The following CERS5 variants were observed in gnomAD, a reference collection of about 807,000 sequenced individuals.
CERS5 encodes LAG1 homolog, ceramide synthase 5.
CERS5 carries 37 observed loss-of-function variants against 58.9 expected under a neutral mutation model. The observed-to-expected ratio is 0.63, with a 90% CI of 0.48 to 0.83. CERS5 has a LOEUF of 0.83. Among genes scored for constraint, CERS5 ranks in the 40% least tolerant of loss-of-function variants. CERS5 has a pLI of 0.00. For missense variants in CERS5, 398 were observed against 489.3 expected (o/e 0.81, Z 1.76); for synonymous variants, 147 against 177.8 (o/e 0.83, Z 1.38).
chr12:50,130,355 G>T lies in CERS5; in HGVS notation c.*190C>A. 1 of 477,792 alleles carries T rather than the reference G, an allele frequency of 2.1e-6. No individual in the cohort carries two copies. Among genetic ancestry groups the T allele is most frequent in the Admixed American group, 3.6e-5 (1 of 28,070 alleles). 29.6% of individuals were successfully genotyped at this position (477,792 alleles called of 1,614,324 possible). Reference sequence around the variant, plus strand: ...AACACACAGAGCAAATAACATTACTGAAAGAACCTGGAGGCTATTAAATAC... The same window carrying T: ...AACACACAGAGCAAATAACATTACTTAAAGAACCTGGAGGCTATTAAATAC... On this transcript the variant is annotated 3_prime_UTR_variant, in exon 10 of 10. Transcript: ENST00000317551.
intron 1 of CERS5, among the ~76,000 whole-genome samples, chr12:50,158,163 G>T (rs969994769): frequency 6.6e-6 from 1 of 150,794 alleles, no homozygotes; most frequent in Non-Finnish European, 1.5e-5. Context: ...TGTACTAGAA[G>T]AATTCTACTG....
Position 50,150,631 on chromosome 12 carries a change from G to A in CERS5, c.198-6574C>T, listed in dbSNP as rs913870961. Among the ~76,000 whole-genome samples the A allele has an allele frequency of 3.9e-5, 6 of 152,076 alleles. No individual in the cohort carries two copies. The East Asian group carries it at 1.2e-3, about 29-fold the overall frequency. On this transcript the variant is annotated intron_variant, in intron 1 of 9. Coordinates refer to ENST00000317551, the MANE Select transcript of CERS5 (RefSeq NM_147190.5). The stretch of plus-strand genomic sequence containing the variant: ...AATATAAACTTAAAAGAGAACTGAG[G>A]TCAGAACGCTGGACAACATCAGCAT...
chr12:50,163,765 C>T (rs1398460418), intron 1 of CERS5, among the ~76,000 whole-genome samples: 5 of 152,140 alleles, frequency 3.3e-5, no homozygotes, highest in African/African-American at 1.2e-4. Flanking sequence ...CCTGCCTCAG[C>T]CTCCCAAGTA....
intron 9 of CERS5, among the ~76,000 whole-genome samples, chr12:50,131,453 G>T (rs1166020063): frequency 1.3e-5 from 2 of 151,662 alleles, no homozygotes; most frequent in African/African-American, 4.9e-5. Context: ...CAGCTACTCA[G>T]GAGGCTGAGG....
At chr12:50,135,257 GGA>G (rs113411336) in intron 8 of CERS5, 22,444 of 121,922 alleles carry the variant, frequency 0.18, 4,564 homozygotes, top group African/African-American at 0.29. Flanking sequence ...GAGGAGGGAG[GGA>G]GAGAGGGGAG....
chr12:50,143,097 C>A lies in CERS5; in HGVS notation c.411G>T (p.Thr137=). 1 of 1,612,106 alleles carries A rather than the reference C, an allele frequency of 6.2e-7. No individual in the cohort carries two copies. Among genetic ancestry groups the A allele is most frequent in the Non-Finnish European group, 8.5e-7 (1 of 1,178,878 alleles). The change falls in exon 3 of 10, where the codon ACG becomes ACT. Residue 137 remains threonine, a synonymous_variant. Coordinates refer to ENST00000317551, the MANE Select transcript of CERS5 (RefSeq NM_147190.5). ...ACATGCTTTCACAGAATTTAGTAAGCGTTGGGGGCTTGTCCTGATTCCTCC... is the reference window on the plus strand; with the variant it reads ...ACATGCTTTCACAGAATTTAGTAAGAGTTGGGGGCTTGTCCTGATTCCTCC... ...RHRRNQDKPP[T]LTKFCESMWR...
chr12:50,145,612 A>T (rs1952223996), intron 1 of CERS5, among the ~76,000 whole-genome samples: 1 of 152,170 alleles, frequency 6.6e-6, no homozygotes, highest in African/African-American at 2.4e-5. Context: ...AGTAATATTT[A>T]TTCAGAGCAT....
At position 50,130,478 on chromosome 12, in the gene CERS5, G is replaced by T; in HGVS notation, c.*67C>A. The T allele has an allele frequency of 7.1e-7, 1 of 1,413,010 alleles. No homozygotes were observed. The highest frequency in any genetic ancestry group is 9.6e-7 in the Non-Finnish European group (1 of 1,041,880). 87.5% of individuals were successfully genotyped at this position (1,413,010 alleles called of 1,614,324 possible). On this transcript the variant is annotated 3_prime_UTR_variant, in exon 10 of 10. Coordinates refer to ENST00000317551, the MANE Select transcript of CERS5 (RefSeq NM_147190.5). Reference sequence around the variant, plus strand: ...TCACAGAAGAGTAGATATGGGAAGGGCCAAGAGGAGTATGTTGCCAGTGGC... The same window carrying T: ...TCACAGAAGAGTAGATATGGGAAGGTCCAAGAGGAGTATGTTGCCAGTGGC...
In CERS5 at chr12:50,162,184, CTTTTT is replaced by C. The variant is rs75460499; in HGVS notation, c.197+4912_197+4916del. 9.3e-5 allele frequency among the ~76,000 whole-genome samples: 12 copies of C among 129,382 alleles called. No individual in the cohort carries two copies. The East Asian group carries it at 1.2e-3, about 13-fold the overall frequency. The allele number at this position is 129,382 out of a possible 152,430, so 84.9% of individuals were successfully genotyped here. On this transcript the variant is annotated intron_variant, in intron 1 of 9. Coordinates refer to ENST00000317551, the MANE Select transcript of CERS5 (RefSeq NM_147190.5). ...AGCCACCATGCCTGGCTGATTTGTT[CTTTTT>C]TTTTTTTTTTTTTTTTTAAATGTAT...
intron 1 of CERS5, among the ~76,000 whole-genome samples, chr12:50,158,466 T>C (rs1234376025): frequency 2.0e-5 from 3 of 152,204 alleles, no homozygotes; most frequent in Non-Finnish European, 4.4e-5. Context: ...ATATGACATA[T>C]CCTAAGCTTT....
chr12:50,152,597 G>T (rs115575247), intron 1 of CERS5, among the ~76,000 whole-genome samples: 1 of 151,394 alleles, frequency 6.6e-6, no homozygotes, highest in Non-Finnish European at 1.5e-5. Flanking sequence ...TGATAAAATG[G>T]ATGTACCCAA....
chr12:50,163,096 G>C (rs1054116007), intron 1 of CERS5, among the ~76,000 whole-genome samples: 1 of 152,082 alleles, frequency 6.6e-6, no homozygotes, highest in Non-Finnish European at 1.5e-5. Flanking sequence ...TCAGGGTCTC[G>C]CTATGCTGCC....
intron 4 of CERS5, among the ~76,000 whole-genome samples, chr12:50,140,543 C>T (rs1048756235): frequency 2.6e-5 from 4 of 152,044 alleles, no homozygotes; most frequent in African/African-American, 9.7e-5. Context: ...CCTCAGCCTC[C>T]CAGAGTGCTA....
At chr12:50,163,337 T>A (rs977515392) in intron 1 of CERS5, among the ~76,000 whole-genome samples, 2 of 152,104 alleles carry the variant, frequency 1.3e-5, no homozygotes, top group African/African-American at 4.8e-5. Context: ...TAGCTGGGAT[T>A]ACAGGCGCCC....
chr12:50,143,290 T>C (rs1175247544), intron 2 of CERS5, 86 bp from the exon 3 acceptor site: 1 of 1,480,254 alleles, frequency 6.8e-7, no homozygotes, highest in Non-Finnish European at 9.2e-7. Flanking sequence ...CAAGGTATGA[T>C]AGCCATAAGT....
intron 3 of CERS5, among the ~76,000 whole-genome samples, chr12:50,142,754 G>T (rs532971373): frequency 3.2e-4 from 48 of 152,226 alleles, no homozygotes; most frequent in Non-Finnish European, 5.7e-4. Flanking sequence ...CTTATAGCAA[G>T]CAAGCTAGTA....
intron 2 of CERS5, 172 bp downstream of exon 2, chr12:50,143,780 C>T (rs1479287307): frequency 1.9e-6 from 1 of 535,590 alleles, no homozygotes. Flanking sequence ...ACGTAGGGCC[C>T]AAAGGTTTTC....
intron 1 of CERS5, among the ~76,000 whole-genome samples, chr12:50,153,288 TTTTTTTTTC>T (rs1328074816): frequency 4.2e-5 from 4 of 95,376 alleles, no homozygotes; most frequent in Admixed American, 1.3e-4. Flanking sequence ...TTTTTTTTTT[TTTTTTTTTC>T]TGAGACGGAG....
intron 2 of CERS5, 153 bp from the exon 3 acceptor site, chr12:50,143,357 AT>A: frequency 1.2e-6 from 1 of 825,504 alleles, no homozygotes; most frequent in Non-Finnish European, 1.9e-6. Flanking sequence ...TTAGTAAGAA[AT>A]TTTATCTTAC....
Sources: gnomAD v4.1 joint callset for allele counts (sites outside exome capture counted in the v4.1 genomes callset) on GRCh38, gnomAD v4.1.1 for gene constraint, MANE v1.5 for transcripts, NCBI Gene and HGNC (gene_info 2026-07-23, HGNC 2026-07-21) for gene names.